The following SYN3 variants were observed in gnomAD, a reference collection of about 807,000 sequenced individuals.
SYN3 encodes synapsin III, also known as synapsin-3.
In SYN3, 35 loss-of-function variants were observed where a neutral mutation model predicts 65.8. The observed-to-expected ratio is 0.53, with a 90% confidence interval of 0.41 to 0.70. SYN3 has a LOEUF of 0.70. Ranked by LOEUF, SYN3 falls within the 30% of genes least tolerant of loss-of-function variation. SYN3 has a pLI of 0.00. For missense variants in SYN3, 680 were observed against 749.0 expected, an observed-to-expected ratio of 0.91 and a Z score of 1.08; for synonymous variants, 270 against 292.9, an observed-to-expected ratio of 0.92 and a Z score of 0.80.
chr22:32,667,547 C>A (rs1474151480), intron 6 of SYN3, among the ~76,000 whole-genome samples: 2 of 152,144 alleles, frequency 1.3e-5, no homozygotes, highest in Non-Finnish European at 2.9e-5. Flanking sequence ...TTGGGTAGGT[C>A]AAGTTCCTTA....
In SYN3 at chr22:32,512,474, A is replaced by G. The variant is rs1280307181; in HGVS notation, c.*1218T>C. On this transcript the variant is annotated 3_prime_UTR_variant, in exon 14 of 14. Coordinates refer to ENST00000358763, the MANE Select transcript of SYN3 (RefSeq NM_003490.4). ...GTCTAAGCATGAGAGGCAGACTGGT[A>G]TAGGGGAAAGAGCACTGGGAAGGGA... 2.0e-5 allele frequency: 3 copies of G among 152,242 alleles called. No individual in the cohort carries two copies. The highest frequency in any genetic ancestry group is 7.2e-5 in the African/African-American group (3 of 41,470). The allele number at this position is 152,242 out of a possible 1,614,324, so 9.4% of individuals were successfully genotyped here.
At chr22:32,812,352 A>G (rs2046937818) in intron 6 of SYN3, among the ~76,000 whole-genome samples, 1 of 152,196 alleles carries the variant, frequency 6.6e-6, no homozygotes, top group Non-Finnish European at 1.5e-5. Context: ...CAAAACCTCT[A>G]GTGAGCTGAG....
At chr22:32,756,903 C>T (rs1218248585) in intron 6 of SYN3, among the ~76,000 whole-genome samples, 9 of 152,332 alleles carry the variant, frequency 5.9e-5, no homozygotes, top group African/African-American at 2.2e-4. Flanking sequence ...AACACACCAA[C>T]TGAAATGTTT....
chr22:32,799,970 A>C (rs1431304639), intron 6 of SYN3, among the ~76,000 whole-genome samples: 2 of 152,220 alleles, frequency 1.3e-5, no homozygotes, highest in African/African-American at 2.4e-5. Context: ...GTTAGGCCAC[A>C]GTTAGAGTGA....
At chr22:32,710,694 TC>T (rs2060951832) in intron 6 of SYN3, among the ~76,000 whole-genome samples, 1 of 150,888 alleles carries the variant, frequency 6.6e-6, no homozygotes, top group Non-Finnish European at 1.5e-5. Context: ...TCCTCTCTCT[TC>T]CTTCTGCTCT....
At chr22:33,004,664 A>T (rs1388599709) in intron 2 of SYN3, among the ~76,000 whole-genome samples, 1 of 152,240 alleles carries the variant, frequency 6.6e-6, no homozygotes, top group Non-Finnish European at 1.5e-5. Context: ...CCTCCATTGG[A>T]TCTAGGAAGT....
chr22:32,993,619 C>T (rs1002341350), intron 2 of SYN3, among the ~76,000 whole-genome samples: 1 of 152,244 alleles, frequency 6.6e-6, no homozygotes, highest in Non-Finnish European at 1.5e-5. Context: ...GTTGGGATTA[C>T]AGGCGTGAGC....
chr22:32,687,101 G>A (rs896472729), intron 6 of SYN3, among the ~76,000 whole-genome samples: 11 of 152,092 alleles, frequency 7.2e-5, no homozygotes, highest in Admixed American at 5.9e-4. Flanking sequence ...CAGGCTGAGT[G>A]TTCTCCTTGG....
intron 6 of SYN3, among the ~76,000 whole-genome samples, chr22:32,611,284 GTTTTTTTT>G (rs1201383074): frequency 0.11 from 10,529 of 94,814 alleles, 577 homozygotes; most frequent in East Asian, 0.34. Context: ...TTTTTTTTTT[GTTTTTTTT>G]TTTTTTTTTT....
intron 7 of SYN3, among the ~76,000 whole-genome samples, chr22:32,590,286 A>C (rs982808417): frequency 6.6e-6 from 1 of 152,232 alleles, no homozygotes; most frequent in Middle Eastern, 3.2e-3. Context: ...TTTTATATAA[A>C]TGGAACTATA....
chr22:33,053,467 T>A (rs2054204648), intron 1 of SYN3, among the ~76,000 whole-genome samples: 1 of 152,166 alleles, frequency 6.6e-6, no homozygotes, highest in African/African-American at 2.4e-5. Flanking sequence ...GGAGCCTTGC[T>A]TTGAAAGACA....
chr22:32,983,122 T>G (rs1387637613), intron 2 of SYN3, among the ~76,000 whole-genome samples: 3 of 152,228 alleles, frequency 2.0e-5, no homozygotes, highest in Non-Finnish European at 4.4e-5. Flanking sequence ...TGCTGTGAAC[T>G]GAGCATTGTG....
intron 1 of SYN3, among the ~76,000 whole-genome samples, chr22:33,028,517 C>G (rs1423418772): frequency 1.3e-5 from 2 of 152,202 alleles, no homozygotes; most frequent in Non-Finnish European, 2.9e-5. Flanking sequence ...AACCACGGCC[C>G]AGATTTATAG....
At chr22:32,946,520 C>T (rs1569347423) in intron 3 of SYN3, among the ~76,000 whole-genome samples, 1 of 144,920 alleles carries the variant, frequency 6.9e-6, no homozygotes, top group African/African-American at 2.6e-5. Context: ...GGAAGGGGAA[C>T]ATCACACATA....
intron 6 of SYN3, among the ~76,000 whole-genome samples, chr22:32,807,906 G>C (rs2046808947): frequency 6.6e-6 from 1 of 152,096 alleles, no homozygotes; most frequent in Non-Finnish European, 1.5e-5. Context: ...AGAGCCCTGT[G>C]CTTAAGAGAC....
chr22:32,827,866 C>A (rs2047458130), intron 6 of SYN3, among the ~76,000 whole-genome samples: 2 of 152,192 alleles, frequency 1.3e-5, no homozygotes, highest in Admixed American at 1.3e-4. Flanking sequence ...TCCAGGAACA[C>A]CTCATCCCCC....
intron 1 of SYN3, among the ~76,000 whole-genome samples, chr22:33,030,380 T>G (rs1030303489): frequency 6.6e-6 from 1 of 152,074 alleles, no homozygotes; most frequent in Non-Finnish European, 1.5e-5. Flanking sequence ...AAAACACCAG[T>G]CATCTGAAAC....
At chr22:32,751,190 G>A (rs2045110966) in intron 6 of SYN3, among the ~76,000 whole-genome samples, 1 of 152,038 alleles carries the variant, frequency 6.6e-6, no homozygotes, top group Non-Finnish European at 1.5e-5. Flanking sequence ...AGCCAAAGTG[G>A]AGGGGGTGTT....
At chr22:32,518,407 G>A (rs1330263188) in intron 12 of SYN3, 73 bp from the exon 13 acceptor site, 2 of 1,557,748 alleles carry the variant, frequency 1.3e-6, no homozygotes, top group Non-Finnish European at 1.8e-6. Context: ...CACAAATAAT[G>A]TTGCTTCAAG....
Sources: allele counts gnomAD v4.1 joint callset (sites outside exome capture counted in the v4.1 genomes callset), GRCh38; gene constraint gnomAD v4.1.1; transcripts MANE v1.5; gene names NCBI Gene and HGNC (gene_info 2026-07-23, HGNC 2026-07-21).